MRRF: variants seen among roughly 807,000 people sequenced by gnomAD.
MRRF encodes the protein ribosome-recycling factor, mitochondrial.
In MRRF, 18 loss-of-function variants were observed where a neutral mutation model predicts 25.1. That is an observed-to-expected ratio of 0.72 (90% confidence interval 0.50 to 1.06). The LOEUF is 1.06. Among genes scored for constraint, MRRF ranks in the 50% least tolerant of loss-of-function variants. The pLI is 0.00. For missense variants in MRRF, 323 were observed against 319.3 expected (o/e 1.01, Z -0.09); for synonymous variants, 113 against 112.1 (o/e 1.01, Z -0.05).
intron 2 of MRRF, among the ~76,000 whole-genome samples, chr9:122,271,422 T>C (rs1246651832): frequency 1.3e-5 from 2 of 152,248 alleles, no homozygotes; most frequent in African/African-American, 2.4e-5. Flanking sequence ...AGATGCATGT[T>C]GGAAGTATAA....
intron 2 of MRRF, among the ~76,000 whole-genome samples, chr9:122,276,780 A>C (rs1832798653): frequency 6.6e-6 from 1 of 152,208 alleles, no homozygotes; most frequent in Non-Finnish European, 1.5e-5. Flanking sequence ...TTATTGATCA[A>C]CTTTTCTGTT....
intron 5 of MRRF, 74 bp downstream of exon 5, chr9:122,291,914 T>C: frequency 1.0e-6 from 1 of 996,420 alleles, no homozygotes; most frequent in Non-Finnish European, 1.6e-6. Context: ...ACAAATACCC[T>C]ACTATACCGT....
chr9:122,313,194 T>A (rs1255434641), intron 5 of MRRF, 33 bp from the exon 6 acceptor site: 1 of 1,608,570 alleles, frequency 6.2e-7, no homozygotes, highest in Admixed American at 1.7e-5. Flanking sequence ...ATGTATAGAA[T>A]GATTTTGTTG....
At chr9:122,310,991 C>G (rs970555145) in intron 5 of MRRF, among the ~76,000 whole-genome samples, 3 of 152,184 alleles carry the variant, frequency 2.0e-5, no homozygotes, top group Non-Finnish European at 4.4e-5. Context: ...TTCATAAACA[C>G]TATCATTTAT....
chr9:122,277,216 T>C (rs921352686), intron 2 of MRRF, among the ~76,000 whole-genome samples: 3 of 152,354 alleles, frequency 2.0e-5, no homozygotes, highest in East Asian at 1.9e-4. Context: ...TATTTAATCT[T>C]AGAATTGTTA....
intron 5 of MRRF, among the ~76,000 whole-genome samples, chr9:122,294,166 G>A (rs1411212026): frequency 6.6e-6 from 1 of 152,200 alleles, no homozygotes; most frequent in Non-Finnish European, 1.5e-5. Flanking sequence ...GTTGTTCTTA[G>A]TGGCCTGCCA....
chr9:122,308,699 CAAAAAAAAAAAAAA>C lies in MRRF; in HGVS notation c.552-4518_552-4505del, dbSNP rs776774424. The stretch of plus-strand genomic sequence containing the variant: ...GGGTGACAGAGCAAGACTCCATCTC[CAAAAAAAAAAAAAA>C]AAAAAAAAAGATGGGGTCATGCTGT... On this transcript the variant is annotated intron_variant, in intron 5 of 6. Transcript: ENST00000344641. Among the ~76,000 whole-genome samples the C allele has an allele frequency of 6.5e-4, 39 of 60,110 alleles. 1 individual carries two copies. In the Middle Eastern group the frequency reaches 0.048, roughly 74 times the overall value. The allele number at this position is 60,110 out of a possible 152,430, so 39.4% of individuals were successfully genotyped here. A position where few individuals can be genotyped will look rare whatever the true frequency, so the allele number is the denominator to read the frequency against.
intron 5 of MRRF, among the ~76,000 whole-genome samples, chr9:122,311,518 A>G (rs1227616842): frequency 1.3e-5 from 2 of 152,234 alleles, no homozygotes; most frequent in Non-Finnish European, 2.9e-5. Flanking sequence ...TAATAAATAC[A>G]AAGTAATACA....
intron 2 of MRRF, among the ~76,000 whole-genome samples, chr9:122,279,238 C>G (rs946499810): frequency 2.0e-5 from 3 of 152,116 alleles, no homozygotes; most frequent in African/African-American, 7.2e-5. Flanking sequence ...GTAACATGGG[C>G]AAATAAATGT....
chr9:122,297,392 A>G (rs140924713), intron 5 of MRRF, among the ~76,000 whole-genome samples: 219 of 152,286 alleles, frequency 1.4e-3, no homozygotes, highest in African/African-American at 4.7e-3. Flanking sequence ...TTTCCAATGC[A>G]AAGTCAAGCA....
chr9:122,285,927 A>G (rs993678991), intron 4 of MRRF: 1 of 1,301,194 alleles, frequency 7.7e-7, no homozygotes, highest in African/African-American at 1.5e-5. Flanking sequence ...CATGGAGCAC[A>G]GTGCTTCCAA....
At chr9:122,306,425 G>A (rs1564505138) in intron 5 of MRRF, among the ~76,000 whole-genome samples, 1 of 152,162 alleles carries the variant, frequency 6.6e-6, no homozygotes, top group Non-Finnish European at 1.5e-5. Flanking sequence ...GAAGTAAATG[G>A]TATTATACAC....
intron 1 of MRRF, among the ~76,000 whole-genome samples, chr9:122,268,935 G>A (rs1228454366): frequency 1.3e-5 from 2 of 152,136 alleles, no homozygotes; most frequent in African/African-American, 4.8e-5. Flanking sequence ...GGAGGCCGAG[G>A]TGGGTGGATC....
intron 4 of MRRF, among the ~76,000 whole-genome samples, chr9:122,290,767 G>C (rs1471228574): frequency 2.0e-5 from 3 of 152,144 alleles, no homozygotes; most frequent in Non-Finnish European, 4.4e-5. Context: ...CTCTAGGATT[G>C]CATACAAGGT....
intron 5 of MRRF, among the ~76,000 whole-genome samples, chr9:122,302,283 A>G (rs1175292927): frequency 1.3e-5 from 2 of 152,168 alleles, no homozygotes; most frequent in African/African-American, 4.8e-5. Flanking sequence ...ACCACAATCC[A>G]TTTTAGGACA....
chr9:122,287,081 G>A (rs1013293976), intron 4 of MRRF, among the ~76,000 whole-genome samples: 7 of 152,136 alleles, frequency 4.6e-5, no homozygotes, highest in South Asian at 2.1e-4. Flanking sequence ...TGGCTTAAAC[G>A]TCACTTTCTT....
rs1836267901 is a variant in MRRF, at chr9:122,330,959, T to A, written c.*8342T>A. On this transcript the variant is annotated 3_prime_UTR_variant, in exon 7 of 7. Transcript: ENST00000344641. The surrounding 1 kb of genome is among the most constrained non-coding windows in gnomAD (Gnocchi z 4.2). ...CAGAGGAACACTTGGCATCAGGGAG[T>A]CTGTTGTCTGACCCGCAACTAGGCA... The A allele has an allele frequency of 6.6e-6, 1 of 151,962 alleles. No individual in the cohort carries two copies. Among genetic ancestry groups the A allele is most frequent in the Non-Finnish European group, 1.5e-5 (1 of 68,024 alleles). The allele number at this position is 151,962 out of a possible 1,614,324, so 9.4% of individuals were successfully genotyped here.
Position 122,322,631 on chromosome 9 carries a change from C to T in MRRF, c.*14C>T. 6.2e-7 allele frequency: 1 copy of T among 1,612,874 alleles called. No individual in the cohort carries two copies. The highest frequency in any genetic ancestry group is 1.1e-5 in the South Asian group (1 of 91,034). On this transcript the variant is annotated 3_prime_UTR_variant, in exon 7 of 7. Transcript: ENST00000344641. Reference sequence around the variant, plus strand: ...CTCCTTGGATGAAAGTCCACTGGGGCCAGCAATACTCCAGAGCCCAGTTTC... The same window carrying T: ...CTCCTTGGATGAAAGTCCACTGGGGTCAGCAATACTCCAGAGCCCAGTTTC...
chr9:122,322,693 C>T lies in MRRF; in HGVS notation c.*76C>T, dbSNP rs766936175. Reference sequence around the variant, plus strand: ...ATGGGTGGCACATTGGGACTTCTCTCCCTCCCCCATCTACACAGAAGACTG... The same window carrying T: ...ATGGGTGGCACATTGGGACTTCTCTTCCTCCCCCATCTACACAGAAGACTG... On this transcript the variant is annotated 3_prime_UTR_variant, in exon 7 of 7. Transcript: ENST00000344641. The T allele has an allele frequency of 7.7e-7, 1 of 1,294,276 alleles. No individual in the cohort carries two copies. The highest frequency in any genetic ancestry group is 1.1e-6 in the Non-Finnish European group (1 of 898,352). 80.2% of individuals were successfully genotyped at this position (1,294,276 alleles called of 1,614,324 possible).
Sources: allele counts gnomAD v4.1 joint callset (sites outside exome capture counted in the v4.1 genomes callset), GRCh38; gene constraint gnomAD v4.1.1; non-coding constraint Gnocchi (gnomAD v3.1); transcripts MANE v1.5; gene names NCBI Gene and HGNC (gene_info 2026-07-23, HGNC 2026-07-21).